POLR1A: variants seen among roughly 807,000 people sequenced by gnomAD.
POLR1A encodes the protein RNA polymerase I subunit A.
A neutral mutation model predicts 205.3 loss-of-function variants in POLR1A; 84 were observed. That is an observed-to-expected ratio of 0.41 (90% CI 0.34 to 0.49). The LOEUF (loss-of-function observed/expected upper bound fraction) is 0.49, where lower values mean the gene tolerates loss of function less well. Ranked by LOEUF, POLR1A falls within the 20% of genes least tolerant of loss-of-function variation. The pLI, the probability that POLR1A is intolerant of heterozygous loss-of-function variation, is 0.22. For missense variants in POLR1A, 1,645 were observed against 2,204.5 expected (o/e 0.75, Z 5.08); for synonymous variants, 799 against 863.7 (o/e 0.93, Z 1.31).
chr2:86,031,971 T>A (rs1438269217), intron 29 of POLR1A, among the ~76,000 whole-genome samples: 2 of 152,178 alleles, frequency 1.3e-5, no homozygotes, highest in Non-Finnish European at 2.9e-5. Context: ...ATTTTCATTG[T>A]AAAAACCAGA....
At position 86,070,004 on chromosome 2, in the gene POLR1A, A is replaced by G; in HGVS notation, c.1866+14T>C. 1.9e-6 allele frequency: 3 copies of G among 1,609,134 alleles called. No individual in the cohort carries two copies. The highest frequency in any genetic ancestry group is 2.5e-6 in the Non-Finnish European group (3 of 1,177,358). ...CTGACGATGACCACGGAACAGCCTC[A>G]AGGCCAGACCTACCTTGGGAACAAG... On this transcript the variant is annotated intron_variant, in intron 13 of 33. Coordinates refer to ENST00000263857, the MANE Select transcript of POLR1A (RefSeq NM_015425.6). The surrounding 1 kb of genome is among the most constrained non-coding windows in gnomAD (Gnocchi z 4.4).
chr2:86,040,343 C>T (rs746833784), intron 25 of POLR1A, 49 bp downstream of exon 25: 3 of 1,428,940 alleles, frequency 2.1e-6, no homozygotes, highest in Non-Finnish European at 2.8e-6. Flanking sequence ...GCCCCTTCTC[C>T]AGGAGAGGCT....
chr2:86,071,174 T>TG (rs1553436390), intron 12 of POLR1A, among the ~76,000 whole-genome samples: 1 of 60,684 alleles, frequency 1.6e-5, no homozygotes, highest in Non-Finnish European at 7.8e-5. Context: ...TGTGACATGA[T>TG]GAAAAAAAAA....
At chr2:86,033,543 G>T in intron 28 of POLR1A, 118 bp downstream of exon 28, 1 of 1,140,776 alleles carries the variant, frequency 8.8e-7, no homozygotes, top group Non-Finnish European at 1.2e-6. Flanking sequence ...AGCTGAGATA[G>T]GTAGGAGATG....
intron 8 of POLR1A, among the ~76,000 whole-genome samples, 198 bp from the exon 9 acceptor site, chr2:86,081,176 A>G (rs1473400112): frequency 6.6e-6 from 1 of 152,160 alleles, no homozygotes; most frequent in African/African-American, 2.4e-5. Context: ...CAGGTGGATC[A>G]CTGGAGGTCA....
At chr2:86,103,998 G>A (rs1465738657) in intron 1 of POLR1A, among the ~76,000 whole-genome samples, 1 of 152,216 alleles carries the variant, frequency 6.6e-6, no homozygotes, top group Non-Finnish European at 1.5e-5. Flanking sequence ...TAATAGGGCT[G>A]AAGAAGGGAT....
intron 33 of POLR1A, 63 bp downstream of exon 33, chr2:86,027,822 G>A: frequency 2.6e-6 from 4 of 1,554,462 alleles, no homozygotes; most frequent in Non-Finnish European, 3.5e-6. Flanking sequence ...ATGCCCATGG[G>A]TGAGCCCGTG....
At chr2:86,103,696 T>C (rs1053798765) in intron 1 of POLR1A, among the ~76,000 whole-genome samples, 2 of 152,170 alleles carry the variant, frequency 1.3e-5, no homozygotes, top group African/African-American at 4.8e-5. Flanking sequence ...TTATTCAGAC[T>C]TGAGGATAAA....
rs376358694 is a variant in POLR1A at position 86,054,183 on chromosome 2, C to T, written c.2165G>A (p.Arg722Gln). ...GTCAGGGTTAAAGCCAGGAACGGATCGAGGAGTTTCCTTCACCCAGGCTTT... is the reference window on the plus strand; with the variant it reads ...GTCAGGGTTAAAGCCAGGAACGGATTGAGGAGTTTCCTTCACCCAGGCTTT... ...TGKAWVKETP[R>Q]SVPGFNPDSM... The change falls in exon 15 of 34, where the codon CGA becomes CAA. Residue 722 changes from arginine (R) to glutamine (Q), a missense_variant. By Grantham distance (43) the Arg-to-Gln change is conservative. This residue lies in a region of POLR1A where 339 missense variants were observed against 415.1 expected (regional missense o/e 0.82). Coordinates refer to ENST00000263857, the MANE Select transcript of POLR1A (RefSeq NM_015425.6). 20 of 1,613,876 alleles carry T rather than the reference C, an allele frequency of 1.2e-5. No individual in the cohort carries two copies. Among genetic ancestry groups the T allele is most frequent in the Middle Eastern group, 1.6e-4 (1 of 6,080 alleles).
At chr2:86,049,609 A>G (rs973449544) in intron 16 of POLR1A, among the ~76,000 whole-genome samples, 1 of 152,168 alleles carries the variant, frequency 6.6e-6, no homozygotes, top group African/African-American at 2.4e-5. Flanking sequence ...GGTGAAGAAG[A>G]GGTTTTGGAT....
At chr2:86,059,467 G>A (rs767153754) in intron 14 of POLR1A, among the ~76,000 whole-genome samples, 1 of 152,180 alleles carries the variant, frequency 6.6e-6, no homozygotes, top group African/African-American at 2.4e-5. Flanking sequence ...CAAACAGGTG[G>A]TTGTAAATAT....
intron 13 of POLR1A, among the ~76,000 whole-genome samples, chr2:86,068,390 G>GGGGGC (rs1553436052): frequency 4.3e-5 from 5 of 117,480 alleles, no homozygotes; most frequent in Admixed American, 1.7e-4. Flanking sequence ...CATGGGCGGG[G>GGGGGC]GGGGGGGGCG....
chr2:86,075,581 T>C (rs1673265916), intron 11 of POLR1A, among the ~76,000 whole-genome samples: 1 of 152,180 alleles, frequency 6.6e-6, no homozygotes, highest in African/African-American at 2.4e-5. Context: ...CGATCTCGGC[T>C]CACCACAATC....
Position 86,045,633 on chromosome 2 carries a change from G to T in POLR1A, c.2870C>A (p.Thr957Asn). ...AATACATACAGGAGGTTTGATGCCGGTGAGGAACCTGCCAGTGACAAAGCC... is the reference window on the plus strand; with the variant it reads ...AATACATACAGGAGGTTTGATGCCGTTGAGGAACCTGCCAGTGACAAAGCC... ...AGGFVTGRFL[T>N]GIKPPEFFFH... Residue 957 changes from threonine to asparagine, a missense_variant, in exon 20 of 34, where the codon ACC becomes AAC. Physicochemically the swap from Thr to Asn is moderately conservative, Grantham distance 65. Transcript: ENST00000263857. 6.2e-7 allele frequency: 1 copy of T among 1,614,180 alleles called. No homozygotes were observed. Among genetic ancestry groups the T allele is most frequent in the East Asian group, 2.2e-5 (1 of 44,890 alleles).
chr2:86,095,043 G>A (rs1364199487), intron 3 of POLR1A, among the ~76,000 whole-genome samples: 1 of 152,056 alleles, frequency 6.6e-6, no homozygotes, highest in Admixed American at 6.5e-5. Context: ...TACCCTATTC[G>A]AGCTCTGGTA....
chr2:86,049,983 T>C (rs1672773568), intron 16 of POLR1A, among the ~76,000 whole-genome samples: 1 of 151,770 alleles, frequency 6.6e-6, no homozygotes, highest in Admixed American at 6.6e-5. Context: ...AGTGGTGTGA[T>C]CTCGGCTCAC....
At chr2:86,050,226 C>T (rs186856063) in intron 16 of POLR1A, among the ~76,000 whole-genome samples, 1 of 152,140 alleles carries the variant, frequency 6.6e-6, no homozygotes, top group Non-Finnish European at 1.5e-5. Context: ...AAAACTAGTT[C>T]TTTTCTGCAA....
At chr2:86,087,845 G>A (rs769366476) in intron 6 of POLR1A, among the ~76,000 whole-genome samples, 3 of 152,228 alleles carry the variant, frequency 2.0e-5, no homozygotes, top group Admixed American at 6.5e-5. Flanking sequence ...GCCCAGCCAG[G>A]TTATGCATTT....
chr2:86,032,329 A>G lies in POLR1A; in HGVS notation c.4215T>C (p.Ala1405=), dbSNP rs959396556. 1.9e-6 allele frequency: 3 copies of G among 1,613,552 alleles called. No individual in the cohort carries two copies. Among genetic ancestry groups the G allele is most frequent in the Non-Finnish European group, 2.5e-6 (3 of 1,179,712 alleles). ...EEEGHIVDAE[A]EEGDADASDA... ...CAGAGGCATCGGCGTCCCCCTCCTC[A>G]GCTTCAGCATCCACAATGTGCCCCT... The change falls in exon 29 of 34, where the codon GCT becomes GCC. Residue 1405 remains alanine, a synonymous_variant. Coordinates refer to ENST00000263857, the MANE Select transcript of POLR1A (RefSeq NM_015425.6).
Sources: gnomAD v4.1 joint callset for allele counts (sites outside exome capture counted in the v4.1 genomes callset) on GRCh38, gnomAD v4.1.1 for gene constraint, gnomAD v4.1.1 regional missense constraint, Gnocchi (gnomAD v3.1) non-coding constraint, MANE v1.5 for transcripts, NCBI Gene and HGNC (gene_info 2026-07-23, HGNC 2026-07-21) for gene names.